Variants in DZIP3 observed in about 807,000 individuals in gnomAD.
The protein encoded by DZIP3 is E3 ubiquitin-protein ligase DZIP3.
A neutral mutation model predicts 162.0 loss-of-function variants in DZIP3; 118 were observed. That is an observed-to-expected ratio of 0.73 (90% CI 0.63 to 0.85). The LOEUF is 0.85. DZIP3 is among the 40% of genes least tolerant of loss of function. The pLI is 0.00. For synonymous variants in DZIP3, 438 were observed against 458.6 expected (o/e 0.96, Z 0.57); for missense variants, 1,331 against 1,407.0 (o/e 0.95, Z 0.86).
intron 12 of DZIP3, among the ~76,000 whole-genome samples, chr3:108,637,950 A>G (rs1360165287): frequency 6.6e-6 from 1 of 152,212 alleles, no homozygotes; most frequent in East Asian, 1.9e-4. Flanking sequence ...TGATAAAGCT[A>G]GAATTAATAG....
intron 6 of DZIP3, among the ~76,000 whole-genome samples, chr3:108,625,134 G>T (rs955656508): frequency 1.3e-5 from 2 of 152,076 alleles, no homozygotes; most frequent in African/African-American, 4.8e-5. Context: ...TTAAAGTAAG[G>T]CCAGGCAGCA....
At chr3:108,667,284 A>G (rs965953375) in intron 21 of DZIP3, among the ~76,000 whole-genome samples, 3 of 152,174 alleles carry the variant, frequency 2.0e-5, no homozygotes, top group Admixed American at 2.0e-4. Context: ...GACAATATAA[A>G]AGACATAAAT....
At chr3:108,622,308 C>T (rs569540681) in intron 5 of DZIP3, among the ~76,000 whole-genome samples, 3 of 152,242 alleles carry the variant, frequency 2.0e-5, no homozygotes, top group African/African-American at 7.2e-5. Context: ...AGAATTTCTA[C>T]TTGATTTTTA....
chr3:108,608,376 A>C (rs1289081156), intron 3 of DZIP3, among the ~76,000 whole-genome samples: 1 of 152,106 alleles, frequency 6.6e-6, no homozygotes, highest in African/African-American at 2.4e-5. Flanking sequence ...CCTCACCATA[A>C]CTAAAAATTA....
intron 13 of DZIP3, 77 bp downstream of exon 13, chr3:108,642,591 T>C: frequency 7.4e-7 from 1 of 1,356,474 alleles, no homozygotes; most frequent in South Asian, 1.4e-5. Flanking sequence ...TTTCATGCCA[T>C]TAACAACCAC....
At chr3:108,690,541 T>C (rs1250794522) in intron 31 of DZIP3, among the ~76,000 whole-genome samples, 1 of 152,076 alleles carries the variant, frequency 6.6e-6, no homozygotes, top group Non-Finnish European at 1.5e-5. Context: ...ATCTTGAAAA[T>C]TGAGGTTGAA....
At position 108,622,880 on chromosome 3, in the gene DZIP3, C is replaced by CTCTCTCTCTCTCTCTCTGTGTG. The variant is rs796232998; in HGVS notation, c.376-1563_376-1562insCTCTCTCTCTCTCTCTGTGTGT. ...TCTCTCTCTCTCTCTCTCTCTCTCT[C>CTCTCTCTCTCTCTCTCTGTGTG]TGTGTGTGTGTGTGTGTATGGAGCT... On this transcript the variant is annotated intron_variant, in intron 5 of 32. Coordinates refer to ENST00000361582, the MANE Select transcript of DZIP3 (RefSeq NM_014648.4). 4.3e-3 allele frequency among the ~76,000 whole-genome samples: 228 copies of CTCTCTCTCTCTCTCTCTGTGTG among 53,040 alleles called. 9 individuals are homozygous for CTCTCTCTCTCTCTCTCTGTGTG. Among genetic ancestry groups the CTCTCTCTCTCTCTCTCTGTGTG allele is most frequent in the Admixed American group, 5.9e-3 (25 of 4,228 alleles). The allele number at this position is 53,040 out of a possible 152,430, so 34.8% of individuals were successfully genotyped here. A position where few individuals can be genotyped will look rare whatever the true frequency, so the allele number is the denominator to read the frequency against.
intron 13 of DZIP3, among the ~76,000 whole-genome samples, 154 bp downstream of exon 13, chr3:108,642,668 G>A (rs1056905782): frequency 1.3e-5 from 2 of 152,080 alleles, no homozygotes; most frequent in African/African-American, 4.8e-5. Context: ...GGTGTAGGCT[G>A]GAAATCACAG....
intron 1 of DZIP3, chr3:108,603,140 C>T (rs1406950885): frequency 6.6e-6 from 1 of 152,126 alleles, no homozygotes; most frequent in Non-Finnish European, 1.5e-5. Flanking sequence ...CAAAGAAGAG[C>T]TTAGCAGAGG....
intron 26 of DZIP3, among the ~76,000 whole-genome samples, chr3:108,683,401 A>G (rs1023293421): frequency 1.4e-4 from 21 of 152,234 alleles, no homozygotes; most frequent in African/African-American, 5.1e-4. Flanking sequence ...TTCACATGAT[A>G]TTTTTAGGAT....
rs1940583089 is a variant in DZIP3, at chr3:108,609,597, G to C, written c.102+1439G>C. The stretch of plus-strand genomic sequence containing the variant: ...CATGCCTGTAATCCCAGCACTTTGG[G>C]AGGCTAATGTGGGCGGATTGATTGC... On this transcript the variant is annotated intron_variant, in intron 3 of 32. Coordinates refer to ENST00000361582, the MANE Select transcript of DZIP3 (RefSeq NM_014648.4). Among the ~76,000 whole-genome samples, 3 of 152,334 alleles carry C rather than the reference G, an allele frequency of 2.0e-5. No homozygotes were observed. In the South Asian group the frequency reaches 6.2e-4, roughly 32 times the overall value.
chr3:108,651,228 G>T, intron 18 of DZIP3, 66 bp downstream of exon 18: 1 of 549,216 alleles, frequency 1.8e-6, no homozygotes, highest in South Asian at 4.4e-5. Context: ...TTCCTAATAT[G>T]ACACAGGCTT....
At chr3:108,620,419 A>G (rs1157019254) in intron 5 of DZIP3, among the ~76,000 whole-genome samples, 1 of 152,252 alleles carries the variant, frequency 6.6e-6, no homozygotes, top group Non-Finnish European at 1.5e-5. Flanking sequence ...GTTCCCAGAC[A>G]TCAGCCAAAG....
intron 7 of DZIP3, among the ~76,000 whole-genome samples, chr3:108,628,587 T>G (rs1199817602): frequency 6.6e-6 from 1 of 152,222 alleles, no homozygotes; most frequent in African/African-American, 2.4e-5. Flanking sequence ...GGTATTAGTC[T>G]TGTTGAGGCT....
chr3:108,684,171 GT>G, intron 26 of DZIP3, 44 bp from the exon 27 acceptor site: 1 of 1,531,850 alleles, frequency 6.5e-7, no homozygotes, highest in East Asian at 2.3e-5. Context: ...ATATAAATAT[GT>G]GGGGGGGGGT....
chr3:108,652,443 T>G (rs1942906717), intron 18 of DZIP3, among the ~76,000 whole-genome samples: 1 of 151,906 alleles, frequency 6.6e-6, no homozygotes, highest in Non-Finnish European at 1.5e-5. Context: ...TACTGTATAG[T>G]CTTGTACTGC....
rs1027082951 is a variant in DZIP3 at position 108,684,448 on chromosome 3, T to C, written c.3009+107T>C. On this transcript the variant is annotated intron_variant, in intron 27 of 32. Coordinates refer to ENST00000361582, the MANE Select transcript of DZIP3 (RefSeq NM_014648.4). ...GTTCATTCATTTGATATGATAATGA[T>C]GGGGGTGGTGGTGATAATTGAATGA... 3.0e-6 allele frequency: 4 copies of C among 1,339,420 alleles called. 1 individual carries two copies. Among genetic ancestry groups the C allele is most frequent in the Admixed American group, 4.6e-5 (2 of 43,810 alleles). 83.0% of individuals were successfully genotyped at this position (1,339,420 alleles called of 1,614,324 possible).
chr3:108,611,090 T>C, intron 3 of DZIP3, 84 bp from the exon 4 acceptor site: 1 of 1,355,464 alleles, frequency 7.4e-7, no homozygotes. Context: ...TTTGTTCCTT[T>C]TTTAATGCTT....
rs201610955 is a variant in DZIP3 at position 108,644,256 on chromosome 3, T to C, written c.1234T>C (p.Phe412Leu). Reference protein sequence around the residue: ...ISGTDIVRQIFDEAMPPPLLK... With the variant: ...ISGTDIVRQILDEAMPPPLLK... ...TGGTACTGACATTGTTCGACAAATA[T>C]TTGATGAGGCTATGCCACCTCCTCT... Residue 412 changes from phenylalanine to leucine, a missense_variant, in exon 14 of 33, where the codon TTT becomes CTT. Physicochemically the swap from Phe to Leu is conservative, Grantham distance 22. Coordinates refer to ENST00000361582, the MANE Select transcript of DZIP3 (RefSeq NM_014648.4). 3 of 1,613,840 alleles carry C rather than the reference T, an allele frequency of 1.9e-6. No homozygotes were observed. The highest frequency in any genetic ancestry group is 2.2e-5 in the East Asian group (1 of 44,886).
Sources: gnomAD v4.1 joint callset for allele counts (sites outside exome capture counted in the v4.1 genomes callset) on GRCh38, gnomAD v4.1.1 for gene constraint, MANE v1.5 for transcripts, NCBI Gene and HGNC (gene_info 2026-07-23, HGNC 2026-07-21) for gene names.